The following FAT3 variants were observed in gnomAD, a reference collection of about 807,000 sequenced individuals.
FAT3 encodes the protein FAT atypical cadherin 3, also known as protocadherin Fat 3.
Under a neutral mutation model 310.2 loss-of-function variants are expected in FAT3, and 95 were observed. That is an observed-to-expected ratio of 0.31 (90% CI 0.26 to 0.36). The LOEUF is 0.36. Among genes scored for constraint, FAT3 ranks in the 10% least tolerant of loss-of-function variants. The probability of loss-of-function intolerance (pLI) is 1.00; values close to 1 mark genes in which losing one functional copy is unlikely to be tolerated. For missense variants in FAT3, 5,408 were observed against 5,715.6 expected (o/e 0.95, Z 1.74); for synonymous variants, 2,314 against 2,192.9 (o/e 1.06, Z -1.54).
intron 3 of FAT3, among the ~76,000 whole-genome samples, chr11:92,540,569 G>A (rs1035066530): frequency 1.3e-5 from 2 of 152,118 alleles, no homozygotes; most frequent in African/African-American, 2.4e-5. Context: ...TACAAATTAC[G>A]AATGTTTCAC....
At chr11:92,467,545 C>G (rs1417419481) in intron 2 of FAT3, among the ~76,000 whole-genome samples, 1 of 152,082 alleles carries the variant, frequency 6.6e-6, no homozygotes, top group African/African-American at 2.4e-5. Context: ...ATCCTTGGGC[C>G]TATACATAAT....
intron 19 of FAT3, among the ~76,000 whole-genome samples, chr11:92,850,912 GTGAATTGCCTGTTGTCACC>G (rs1471432502): frequency 6.6e-6 from 1 of 152,184 alleles, no homozygotes; most frequent in African/African-American, 2.4e-5. Flanking sequence ...TTCTGCTGAA[GTGAATTGCCTGTTGTCACC>G]TCTACAGAAA....
chr11:92,861,922 G>T (rs557954138), intron 21 of FAT3, among the ~76,000 whole-genome samples: 3 of 152,090 alleles, frequency 2.0e-5, no homozygotes, highest in East Asian at 1.9e-4. Context: ...GGTGAAGGGC[G>T]CCCCTTACAG....
At chr11:92,777,141 A>G (rs539269507) in intron 7 of FAT3, among the ~76,000 whole-genome samples, 1 of 152,338 alleles carries the variant, frequency 6.6e-6, no homozygotes, top group African/African-American at 2.4e-5. Context: ...TTCACCATAT[A>G]ACTAAATAAA....
At chr11:92,326,172 C>G (rs985025762) in intron 1 of FAT3, among the ~76,000 whole-genome samples, 2 of 152,166 alleles carry the variant, frequency 1.3e-5, no homozygotes, top group East Asian at 3.9e-4. Context: ...CTTCAGTTTA[C>G]CTATCTGCTG....
At chr11:92,327,267 GA>G (rs1947791667) in intron 1 of FAT3, among the ~76,000 whole-genome samples, 1 of 151,770 alleles carries the variant, frequency 6.6e-6, no homozygotes, top group Non-Finnish European at 1.5e-5. Context: ...CCAAGAGTCA[GA>G]GCCATGGAAT....
chr11:92,557,253 C>T (rs747615505), intron 3 of FAT3, among the ~76,000 whole-genome samples: 8 of 152,104 alleles, frequency 5.3e-5, no homozygotes, highest in Non-Finnish European at 1.0e-4. Context: ...ATTACCTTCA[C>T]GGTACCTCAC....
Position 92,844,348 on chromosome 11 carries a change from T to G in FAT3, c.10981T>G (p.Phe3661Val). ...CTTTGAAAATGTGTCCCCTGAGGAC[T>G]TCGTGGGGCTGCACATGCATGGGTT... is the stretch of plus-strand genomic sequence containing the variant. ...IRFENVSPED[F>V]VGLHMHGFRR... Residue 3661 changes from phenylalanine (F) to valine (V), a missense_variant, in exon 19 of 28, where the codon TTC becomes GTC. Physicochemically the swap from Phe to Val is conservative, Grantham distance 50. Around this residue, in one of 5 missense-constraint regions of FAT3, gnomAD observed 4,588 missense variants for 4,809.8 expected, o/e 0.95. Coordinates refer to ENST00000525166, the MANE Select transcript of FAT3 (RefSeq NM_001367949.2). 6.2e-7 allele frequency: 1 copy of G among 1,613,944 alleles called. No homozygotes were observed. The highest frequency in any genetic ancestry group is 8.5e-7 in the Non-Finnish European group (1 of 1,179,892).
rs182545336 is a variant in FAT3, at chr11:92,438,720, A to G, written c.3292+83316A>G. Reference sequence around the variant, plus strand: ...CTAACTCAAGGTCAGGACAGTTGCAATAGAAATGGAGTGTAAGAAAAGAGA... The same window carrying G: ...CTAACTCAAGGTCAGGACAGTTGCAGTAGAAATGGAGTGTAAGAAAAGAGA... On this transcript the variant is annotated intron_variant, in intron 2 of 27. Coordinates refer to ENST00000525166, the MANE Select transcript of FAT3 (RefSeq NM_001367949.2). 1.5e-3 allele frequency among the ~76,000 whole-genome samples: 236 copies of G among 152,332 alleles called. 1 individual carries two copies. The highest frequency in any genetic ancestry group is 5.4e-3 in the African/African-American group (225 of 41,582).
intron 1 of FAT3, among the ~76,000 whole-genome samples, chr11:92,280,962 C>T (rs1325458814): frequency 6.6e-6 from 1 of 152,124 alleles, no homozygotes; most frequent in Non-Finnish European, 1.5e-5. Context: ...ATAATTCCAC[C>T]TCTAAGAATC....
rs183485203 is a variant in FAT3, at chr11:92,553,572, A to G, written c.3607+28624A>G. Among the ~76,000 whole-genome samples the G allele has an allele frequency of 5.3e-5, 8 of 152,342 alleles. No homozygotes were observed. The East Asian group carries it at 1.5e-3, about 29-fold the overall frequency. ...AAACCAGATGTTTCTGTGCAAAACAATGAAGGAACCTGGGCCTTGGGCCCT... is the reference window on the plus strand; with the variant it reads ...AAACCAGATGTTTCTGTGCAAAACAGTGAAGGAACCTGGGCCTTGGGCCCT... On this transcript the variant is annotated intron_variant, in intron 3 of 27. Transcript: ENST00000525166.
chr11:92,563,390 G>A (rs888787930), intron 3 of FAT3, among the ~76,000 whole-genome samples: 1 of 152,074 alleles, frequency 6.6e-6, no homozygotes, highest in Non-Finnish European at 1.5e-5. Context: ...TTTTGAGCAG[G>A]CATTCCCCCA....
intron 1 of FAT3, among the ~76,000 whole-genome samples, chr11:92,233,539 C>G (rs750706709): frequency 3.9e-5 from 6 of 152,140 alleles, no homozygotes; most frequent in Non-Finnish European, 5.9e-5. Flanking sequence ...AAGTTAGCTT[C>G]CTCACCTGAG....
chr11:92,753,798 G>GTGTGTGTATATATATATATATATATATA, intron 4 of FAT3, among the ~76,000 whole-genome samples: 25 of 119,176 alleles, frequency 2.1e-4, no homozygotes, highest in East Asian at 6.8e-4. Flanking sequence ...GTGTGTGTGT[G>GTGTGTGTATATATATATATATATATATA]TATATATATA....
At chr11:92,857,461 C>G in intron 20 of FAT3, 113 bp downstream of exon 20, 2 of 1,409,722 alleles carry the variant, frequency 1.4e-6, no homozygotes, top group Non-Finnish European at 1.9e-6. Flanking sequence ...ATGCATGCAA[C>G]CTTTTCCTTT....
At chr11:92,565,520 C>T (rs1374317693) in intron 3 of FAT3, among the ~76,000 whole-genome samples, 1 of 150,498 alleles carries the variant, frequency 6.6e-6, no homozygotes, top group African/African-American at 2.4e-5. Flanking sequence ...AGAGGGAATC[C>T]TCCCTAACTC....
At chr11:92,374,356 G>A (rs1949283120) in intron 2 of FAT3, among the ~76,000 whole-genome samples, 1 of 152,194 alleles carries the variant, frequency 6.6e-6, no homozygotes, top group African/African-American at 2.4e-5. Flanking sequence ...ATTATCAAGT[G>A]CTAAGCAGAA....
chr11:92,385,478 G>A (rs920092052), intron 2 of FAT3, among the ~76,000 whole-genome samples: 1 of 151,898 alleles, frequency 6.6e-6, no homozygotes, highest in East Asian at 1.9e-4. Flanking sequence ...AGCGATTCTC[G>A]TGCCTCAGCC....
chr11:92,757,952 A>C (rs537727420), intron 4 of FAT3, among the ~76,000 whole-genome samples: 1 of 152,304 alleles, frequency 6.6e-6, no homozygotes, highest in African/African-American at 2.4e-5. Flanking sequence ...TCAGTTATGT[A>C]AACTGGGTAT....
Sources: allele counts gnomAD v4.1 joint callset (sites outside exome capture counted in the v4.1 genomes callset), GRCh38; gene constraint gnomAD v4.1.1; regional missense constraint gnomAD v4.1.1; transcripts MANE v1.5; gene names NCBI Gene and HGNC (gene_info 2026-07-23, HGNC 2026-07-21).